Variants in CCDC192 observed in about 807,000 individuals in gnomAD.
The protein encoded by CCDC192 is coiled-coil domain-containing protein 192.
In CCDC192 at chr5:127,874,366, A is replaced by C. The variant is rs117434346; in HGVS notation, c.412-1172A>C. Among the ~76,000 whole-genome samples, 9 of 152,312 alleles carry C rather than the reference A, an allele frequency of 5.9e-5. No homozygotes were observed. In the East Asian group the frequency reaches 1.7e-3, roughly 29 times the overall value. On this transcript the variant is annotated intron_variant, in intron 5 of 6. Coordinates refer to ENST00000514853, the MANE Select transcript of CCDC192 (RefSeq NM_001317938.2). ...TGTTTGGGGTCTAGAAGATAACCTG[A>C]TCTGGGTGACCTCCCAAAGGTTTAG...
intron 5 of CCDC192, among the ~76,000 whole-genome samples, chr5:127,815,448 A>C (rs1186111053): frequency 6.6e-6 from 1 of 152,078 alleles, no homozygotes; most frequent in African/African-American, 2.4e-5. Context: ...GGGGTGGGGA[A>C]AATCAGGTTT....
intron 3 of CCDC192, among the ~76,000 whole-genome samples, chr5:127,777,034 C>G (rs1755905887): frequency 6.6e-6 from 1 of 152,202 alleles, no homozygotes; most frequent in East Asian, 1.9e-4. Context: ...CACTGGGGCA[C>G]TGCCTAGTGG....
chr5:127,782,007 G>T (rs997531262), intron 3 of CCDC192, among the ~76,000 whole-genome samples: 1 of 152,104 alleles, frequency 6.6e-6, no homozygotes, highest in Non-Finnish European at 1.5e-5. Context: ...TGTATCCCTT[G>T]TATGCTGATT....
chr5:127,820,738 G>A (rs1448041047), intron 5 of CCDC192, among the ~76,000 whole-genome samples: 1 of 151,540 alleles, frequency 6.6e-6, no homozygotes, highest in Non-Finnish European at 1.5e-5. Flanking sequence ...TTTTTTGTTT[G>A]TTTTTACAAA....
chr5:127,741,289 C>T (rs1753402960), intron 2 of CCDC192, among the ~76,000 whole-genome samples: 1 of 152,098 alleles, frequency 6.6e-6, no homozygotes, highest in African/African-American at 2.4e-5. Context: ...TCTTGAACTC[C>T]TGGGCTCGAG....
intron 5 of CCDC192, among the ~76,000 whole-genome samples, chr5:127,811,243 C>G (rs1430990041): frequency 6.6e-6 from 1 of 152,170 alleles, no homozygotes; most frequent in South Asian, 2.1e-4. Context: ...AATCTCCATT[C>G]CCTCCCTTGT....
chr5:127,763,879 C>T (rs1755067342), intron 3 of CCDC192, among the ~76,000 whole-genome samples: 1 of 152,170 alleles, frequency 6.6e-6, no homozygotes, highest in Admixed American at 6.5e-5. Flanking sequence ...CAAAGAACCC[C>T]AAGAGACTTC....
chr5:127,755,099 C>G (rs1260675585), intron 3 of CCDC192, among the ~76,000 whole-genome samples: 1 of 152,162 alleles, frequency 6.6e-6, no homozygotes, highest in Non-Finnish European at 1.5e-5. Flanking sequence ...TGCTTGGAGT[C>G]TCGGTCCCCC....
Position 127,774,634 on chromosome 5 carries a change from G to A in CCDC192, c.222+20259G>A, listed in dbSNP as rs537658230. 4.6e-5 allele frequency among the ~76,000 whole-genome samples: 7 copies of A among 152,238 alleles called. No individual in the cohort carries two copies. In the South Asian group the frequency reaches 1.2e-3, roughly 27 times the overall value. ...TATGTGTCAGTCCTTATTCCATTCA[G>A]ATACTATTTGGATTACTGTAGCTTT... On this transcript the variant is annotated intron_variant, in intron 3 of 6. Coordinates refer to ENST00000514853, the MANE Select transcript of CCDC192 (RefSeq NM_001317938.2).
chr5:127,777,158 C>G (rs1479646828), intron 3 of CCDC192, among the ~76,000 whole-genome samples: 1 of 152,200 alleles, frequency 6.6e-6, no homozygotes, highest in Non-Finnish European at 1.5e-5. Flanking sequence ...ATAAAAGCAG[C>G]CATGAGGGAG....
chr5:127,792,812 GGAAGAA>G (rs34627392), intron 3 of CCDC192, among the ~76,000 whole-genome samples: 13 of 147,776 alleles, frequency 8.8e-5, no homozygotes, highest in African/African-American at 1.3e-4. Context: ...GAGGAGAAGA[GGAAGAA>G]GAAGAAGAAG....
intron 3 of CCDC192, among the ~76,000 whole-genome samples, chr5:127,793,486 T>C (rs887213955): frequency 6.6e-6 from 1 of 152,164 alleles, no homozygotes; most frequent in African/African-American, 2.4e-5. Flanking sequence ...CAGGCCTCAT[T>C]GTGACAGGCA....
chr5:127,722,507 T>C (rs1387937299), intron 2 of CCDC192, among the ~76,000 whole-genome samples: 2 of 152,220 alleles, frequency 1.3e-5, no homozygotes, highest in African/African-American at 4.8e-5. Context: ...CCTGTGCTTA[T>C]GGAGTATTAC....
chr5:127,719,536 T>TACATAC (rs1255061370), intron 2 of CCDC192, among the ~76,000 whole-genome samples: 322 of 29,600 alleles, frequency 0.011, 4 homozygotes, highest in Non-Finnish European at 0.014. Context: ...CACACATACA[T>TACATAC]ATATATATAT....
chr5:127,779,343 T>C (rs1029639668), intron 3 of CCDC192, among the ~76,000 whole-genome samples: 1 of 152,154 alleles, frequency 6.6e-6, no homozygotes, highest in Non-Finnish European at 1.5e-5. Context: ...TCACCCAGGC[T>C]GGAGTGCAGT....
At position 127,813,229 on chromosome 5, in the gene CCDC192, G is replaced by T. The variant is rs561574308; in HGVS notation, c.411+15067G>T. On this transcript the variant is annotated intron_variant, in intron 5 of 6. Coordinates refer to ENST00000514853, the MANE Select transcript of CCDC192 (RefSeq NM_001317938.2). ...ACTTAAACTGTCCCTATTTCATTAT[G>T]TTGTTCTTTTTCTGCTTTAGCCTTT... is the stretch of plus-strand genomic sequence containing the variant. 8.9e-3 allele frequency among the ~76,000 whole-genome samples: 1,361 copies of T among 152,190 alleles called. 8 individuals are homozygous for T. Among genetic ancestry groups the T allele is most frequent in the Non-Finnish European group, 0.012 (839 of 68,008 alleles).
intron 5 of CCDC192, among the ~76,000 whole-genome samples, chr5:127,824,644 T>G (rs1368118488): frequency 2.6e-5 from 4 of 151,910 alleles, no homozygotes; most frequent in African/African-American, 9.7e-5. Flanking sequence ...ATTTAGAAAT[T>G]GCCTCATAGA....
At chr5:127,755,556 A>G (rs1301418222) in intron 3 of CCDC192, among the ~76,000 whole-genome samples, 2 of 150,672 alleles carry the variant, frequency 1.3e-5, no homozygotes, top group African/African-American at 2.4e-5. Context: ...GCCTCAAGCC[A>G]TAGCTCTAGC....
In CCDC192 at chr5:127,760,266, G is replaced by GTTT. The variant is rs143610102; in HGVS notation, c.222+5901_222+5903dup. On this transcript the variant is annotated intron_variant, in intron 3 of 6. Coordinates refer to ENST00000514853, the MANE Select transcript of CCDC192 (RefSeq NM_001317938.2). ...GGGATTTAACCATTTTAATACAGTG[G>GTTT]TTTTTTTTTTTTACATCATTAACTA... Among the ~76,000 whole-genome samples the GTTT allele has an allele frequency of 3.1e-3, 452 of 147,536 alleles. 2 individuals are homozygous for GTTT. The highest frequency in any genetic ancestry group is 5.1e-3 in the Non-Finnish European group (341 of 66,816).
Sources: gnomAD v4.1 joint callset for allele counts (sites outside exome capture counted in the v4.1 genomes callset) on GRCh38, gnomAD v4.1.1 for gene constraint, MANE v1.5 for transcripts, NCBI Gene and HGNC (gene_info 2026-07-23, HGNC 2026-07-21) for gene names.